THSD4: variants seen among roughly 807,000 people sequenced by gnomAD.
THSD4 encodes the protein thrombospondin type 1 domain containing 4.
THSD4 carries 69 observed loss-of-function variants against 119.0 expected under a neutral mutation model. The ratio of observed to expected loss-of-function variants is 0.58; its 90% confidence interval spans 0.48 to 0.71. The LOEUF is 0.71. Among genes scored for constraint, THSD4 ranks in the 30% least tolerant of loss-of-function variants. THSD4 has a pLI of 0.00. For missense variants in THSD4, 1,393 were observed against 1,391.1 expected, an observed-to-expected ratio of 1.00 and a Z score of -0.02; for synonymous variants, 524 against 540.4, an observed-to-expected ratio of 0.97 and a Z score of 0.42.
At chr15:71,532,803 T>C (rs2048635060) in intron 7 of THSD4, among the ~76,000 whole-genome samples, 1 of 152,238 alleles carries the variant, frequency 6.6e-6, no homozygotes, top group Admixed American at 6.5e-5. Context: ...CAGAAAATTA[T>C]ATTTAATTAA....
intron 6 of THSD4, among the ~76,000 whole-genome samples, chr15:71,270,620 G>A (rs1014289619): frequency 3.9e-5 from 6 of 152,208 alleles, no homozygotes; most frequent in African/African-American, 1.2e-4. Context: ...TAGCTAGTAA[G>A]TGATAGAGCC....
At chr15:71,640,999 AC>A (rs1272807183) in intron 7 of THSD4, among the ~76,000 whole-genome samples, 8 of 151,998 alleles carry the variant, frequency 5.3e-5, no homozygotes, top group African/African-American at 1.9e-4. Context: ...ACACACACAC[AC>A]ACACACACAC....
chr15:71,148,220 G>T (rs2040683379), intron 2 of THSD4, among the ~76,000 whole-genome samples: 1 of 152,150 alleles, frequency 6.6e-6, no homozygotes. Flanking sequence ...TTAGTTATCT[G>T]AATGTTTCCA....
intron 11 of THSD4, among the ~76,000 whole-genome samples, chr15:71,740,081 T>C (rs1335635698): frequency 3.3e-5 from 5 of 152,158 alleles, no homozygotes; most frequent in Non-Finnish European, 5.9e-5. Context: ...AACTGGAGTG[T>C]TGATTTATAG....
chr15:71,757,101 A>G (rs145667035), intron 14 of THSD4, among the ~76,000 whole-genome samples: 1,626 of 152,238 alleles, frequency 0.011, 120 homozygotes, highest in Admixed American at 0.096. Context: ...CCTGTCAGAA[A>G]TGTGTTTCTA....
intron 5 of THSD4, among the ~76,000 whole-genome samples, chr15:71,248,284 A>C (rs976736612): frequency 2.6e-5 from 4 of 152,112 alleles, no homozygotes; most frequent in Admixed American, 1.3e-4. Context: ...TTGTCTCTAA[A>C]ACAACAACAA....
chr15:71,300,510 T>G (rs1025018952), intron 6 of THSD4, among the ~76,000 whole-genome samples: 3 of 152,216 alleles, frequency 2.0e-5, no homozygotes, highest in Admixed American at 6.5e-5. Flanking sequence ...GGTTGATGTT[T>G]TTGGATCAAA....
At chr15:71,624,001 C>CA (rs1233550118) in intron 7 of THSD4, among the ~76,000 whole-genome samples, 1 of 151,912 alleles carries the variant, frequency 6.6e-6, no homozygotes, top group African/African-American at 2.4e-5. Flanking sequence ...AGACAGATGT[C>CA]ATGGATTGGC....
intron 6 of THSD4, among the ~76,000 whole-genome samples, chr15:71,386,503 A>G (rs2119571): frequency 0.42 from 63,964 of 152,094 alleles, 14,186 homozygotes; most frequent in Middle Eastern, 0.6. Context: ...AAAAGGGAAA[A>G]GGGGCATATA....
chr15:71,126,910 A>C (rs1017411240), intron 1 of THSD4, among the ~76,000 whole-genome samples: 6 of 152,242 alleles, frequency 3.9e-5, no homozygotes, highest in Non-Finnish European at 8.8e-5. Flanking sequence ...CATATTCCTC[A>C]CCTCAAATAC....
chr15:71,450,044 C>T (rs1054929269), intron 7 of THSD4, among the ~76,000 whole-genome samples: 3 of 152,128 alleles, frequency 2.0e-5, no homozygotes, highest in Non-Finnish European at 4.4e-5. Flanking sequence ...ACACGGATGG[C>T]CATAGGAGTT....
At chr15:71,106,473 C>G (rs1480315249) in intron 1 of THSD4, among the ~76,000 whole-genome samples, 1 of 151,980 alleles carries the variant, frequency 6.6e-6, no homozygotes, top group Non-Finnish European at 1.5e-5. Context: ...GATTCTGGCC[C>G]CTGGTGGAGA....
intron 7 of THSD4, among the ~76,000 whole-genome samples, chr15:71,641,597 G>T (rs575138891): frequency 6.6e-6 from 1 of 152,122 alleles, no homozygotes; most frequent in Non-Finnish European, 1.5e-5. Context: ...TCCTGGAGGG[G>T]TGTGATTCCA....
intron 7 of THSD4, among the ~76,000 whole-genome samples, chr15:71,556,785 A>G (rs1199728260): frequency 6.9e-6 from 1 of 145,802 alleles, no homozygotes; most frequent in African/African-American, 2.4e-5. Flanking sequence ...AAAAAGTACA[A>G]CTGATGTTAT....
At chr15:71,751,334 A>G (rs1273751982) in intron 14 of THSD4, among the ~76,000 whole-genome samples, 1 of 152,202 alleles carries the variant, frequency 6.6e-6, no homozygotes, top group Non-Finnish European at 1.5e-5. Flanking sequence ...GTTAAAAAGT[A>G]ACACAGTATT....
At chr15:71,392,929 C>T (rs930837190) in intron 6 of THSD4, among the ~76,000 whole-genome samples, 4 of 152,176 alleles carry the variant, frequency 2.6e-5, no homozygotes, top group Non-Finnish European at 4.4e-5. Context: ...TGTGTGGCCA[C>T]GACAAGAACA....
intron 7 of THSD4, among the ~76,000 whole-genome samples, chr15:71,629,784 A>G (rs142424473): frequency 5.3e-5 from 8 of 152,214 alleles, no homozygotes; most frequent in Non-Finnish European, 1.2e-4. Flanking sequence ...TCCATCCTAT[A>G]TGTAGCTGAT....
chr15:71,272,174 G>A (rs1048853630), intron 6 of THSD4, among the ~76,000 whole-genome samples: 13 of 151,878 alleles, frequency 8.6e-5, no homozygotes, highest in South Asian at 6.2e-4. Context: ...AGGCTGAGGC[G>A]GGCAGATCAC....
chr15:71,556,472 C>T (rs2049018444), intron 7 of THSD4, among the ~76,000 whole-genome samples: 1 of 151,752 alleles, frequency 6.6e-6, no homozygotes, highest in Non-Finnish European at 1.5e-5. Context: ...ATCATCTGGC[C>T]ATGGTGGCTC....
Sources: allele counts gnomAD v4.1 joint callset (sites outside exome capture counted in the v4.1 genomes callset), GRCh38; gene constraint gnomAD v4.1.1; transcripts MANE v1.5; gene names NCBI Gene and HGNC (gene_info 2026-07-23, HGNC 2026-07-21).